SAMD12: variants seen among roughly 807,000 people sequenced by gnomAD.
SAMD12 encodes the protein sterile alpha motif domain containing 12.
SAMD12 carries 9 observed loss-of-function variants against 15.0 expected under a neutral mutation model. The ratio of observed to expected loss-of-function variants is 0.60; its 90% CI spans 0.36 to 1.05. The LOEUF (loss-of-function observed/expected upper bound fraction) is 1.05. Ranked by LOEUF, SAMD12 falls within the 50% of genes least tolerant of loss-of-function variation. The probability of loss-of-function intolerance (pLI) is 0.01; values close to 1 mark genes in which losing one functional copy is unlikely to be tolerated. For missense variants in SAMD12, 230 were observed against 234.2 expected, an observed-to-expected ratio of 0.98 and a Z score of 0.12; for synonymous variants, 86 against 90.1, an observed-to-expected ratio of 0.96 and a Z score of 0.25.
At chr8:118,598,521 C>G (rs1039838639) in intron 1 of SAMD12, among the ~76,000 whole-genome samples, 5 of 152,228 alleles carry the variant, frequency 3.3e-5, no homozygotes, top group Non-Finnish European at 7.3e-5. Context: ...GCCACCCAGT[C>G]TGTGATATTT....
At chr8:118,251,189 G>A (rs1812812051) in intron 4 of SAMD12, among the ~76,000 whole-genome samples, 1 of 152,082 alleles carries the variant, frequency 6.6e-6, no homozygotes, top group African/African-American at 2.4e-5. Flanking sequence ...AAGGCTTTTT[G>A]AGGGAAGTGA....
chr8:118,237,325 G>A (rs139252838), intron 4 of SAMD12, among the ~76,000 whole-genome samples: 137 of 152,224 alleles, frequency 9.0e-4, no homozygotes, highest in Middle Eastern at 3.4e-3. Context: ...AATGAGTTAC[G>A]TAGAGCATAT....
At chr8:118,163,613 C>T in the SAMD12 span, among the ~76,000 whole-genome samples, 2 of 150,188 alleles carry the variant, frequency 1.3e-5, no homozygotes. Context: ...CGGTGGCTCA[C>T]GCCTGTAATC....
intron 4 of SAMD12, among the ~76,000 whole-genome samples, chr8:118,356,336 G>A (rs549777284): frequency 6.6e-6 from 1 of 152,298 alleles, no homozygotes; most frequent in East Asian, 1.9e-4. Context: ...AGTAATGCTG[G>A]AAATGGAAGC....
At position 118,199,760 on chromosome 8, in the gene SAMD12, T is replaced by C. The variant is rs925848464; in HGVS notation, c.434-2028A>G. Among the ~76,000 whole-genome samples the C allele has an allele frequency of 3.9e-5, 6 of 152,342 alleles. No individual in the cohort carries two copies. The East Asian group carries it at 1.2e-3, about 29-fold the overall frequency. On this transcript the variant is annotated intron_variant, in intron 4 of 4. Coordinates refer to the SAMD12 transcript ENST00000409003. Reference sequence around the variant, plus strand: ...GAGTGCAGTATACTTTAGAGCACTTTCCCTTATCATTGCCCAATCCTCTTC... The same window carrying C: ...GAGTGCAGTATACTTTAGAGCACTTCCCCTTATCATTGCCCAATCCTCTTC...
intron 2 of SAMD12, among the ~76,000 whole-genome samples, chr8:118,533,020 A>G (rs1161798495): frequency 1.3e-5 from 2 of 151,754 alleles, no homozygotes; most frequent in African/African-American, 2.4e-5. Flanking sequence ...AGTTCTTTTA[A>G]TTGTGATGTT....
chr8:118,312,822 A>G (rs969091497), intron 4 of SAMD12, among the ~76,000 whole-genome samples: 7 of 152,198 alleles, frequency 4.6e-5, no homozygotes, highest in African/African-American at 1.7e-4. Context: ...AGCTAAGTTC[A>G]AAGGGCTAAC....
intron 2 of SAMD12, among the ~76,000 whole-genome samples, chr8:118,480,375 A>T (rs1381783619): frequency 6.6e-6 from 1 of 152,208 alleles, no homozygotes; most frequent in Non-Finnish European, 1.5e-5. Flanking sequence ...CTCACACAAC[A>T]TGTATTAAAA....
intron 4 of SAMD12, among the ~76,000 whole-genome samples, chr8:118,277,234 C>T (rs1246946225): frequency 2.0e-5 from 3 of 152,168 alleles, no homozygotes; most frequent in African/African-American, 7.2e-5. Flanking sequence ...ATCTCTCTCC[C>T]ACATGGTGCA....
intron 1 of SAMD12, among the ~76,000 whole-genome samples, chr8:118,596,316 G>A (rs777646953): frequency 4.6e-5 from 7 of 152,208 alleles, no homozygotes; most frequent in Non-Finnish European, 8.8e-5. Context: ...CCATTTTATA[G>A]ATGAAAAGAC....
intron 4 of SAMD12, among the ~76,000 whole-genome samples, chr8:118,328,817 A>G (rs1816679040): frequency 6.6e-6 from 1 of 152,100 alleles, no homozygotes. Context: ...GTTCATAGTC[A>G]TATCACTGGT....
chr8:118,363,568 A>G (rs982361932), intron 4 of SAMD12, among the ~76,000 whole-genome samples: 5 of 152,070 alleles, frequency 3.3e-5, no homozygotes, highest in African/African-American at 1.2e-4. Flanking sequence ...AACTCACACC[A>G]TCTGCTCTCC....
In SAMD12 at chr8:118,443,028, G is replaced by C. The variant is rs182182978; in HGVS notation, c.193-3067C>G. Among the ~76,000 whole-genome samples the C allele has an allele frequency of 5.9e-5, 9 of 152,216 alleles. No homozygotes were observed. In the East Asian group the frequency reaches 1.2e-3, roughly 20 times the overall value. On this transcript the variant is annotated intron_variant, in intron 2 of 3. Transcript: ENST00000314727. ...TCACCAGCCCACCATGTATGCTTTT[G>C]TTCTAAGTTTTCCTTTTATCATAAA...
At chr8:118,558,759 G>A (rs1367654053) in intron 2 of SAMD12, among the ~76,000 whole-genome samples, 1 of 151,974 alleles carries the variant, frequency 6.6e-6, no homozygotes, top group South Asian at 2.1e-4. Flanking sequence ...GGGTTTCACT[G>A]TGTTAGCCAG....
At chr8:118,497,723 C>T (rs1022082327) in intron 2 of SAMD12, among the ~76,000 whole-genome samples, 3 of 58,756 alleles carry the variant, frequency 5.1e-5, no homozygotes, top group African/African-American at 1.3e-4. Flanking sequence ...ACTTAAGTTG[C>T]GGGGGGGGGT....
At chr8:118,169,353 T>C in the SAMD12 span, among the ~76,000 whole-genome samples, 1 of 152,202 alleles carries the variant, frequency 6.6e-6, no homozygotes, top group African/African-American at 2.4e-5. Flanking sequence ...AGCACACTAT[T>C]TGTTCTCCTC....
chr8:118,592,450 T>C (rs561128367), intron 1 of SAMD12, among the ~76,000 whole-genome samples: 1 of 152,284 alleles, frequency 6.6e-6, no homozygotes, highest in African/African-American at 2.4e-5. Context: ...AATCTGGCTG[T>C]CCCCACTGAC....
At chr8:118,156,463 AGGCTCCATGTG>A in the SAMD12 span, among the ~76,000 whole-genome samples, 1 of 152,224 alleles carries the variant, frequency 6.6e-6, no homozygotes, top group Non-Finnish European at 1.5e-5. Context: ...CTAGATATCA[AGGCTCCATGTG>A]GGCCAGATCC....
intron 4 of SAMD12, among the ~76,000 whole-genome samples, chr8:118,369,099 C>T (rs1467116537): frequency 6.6e-6 from 1 of 152,188 alleles, no homozygotes; most frequent in Non-Finnish European, 1.5e-5. Context: ...TCTAGTACCT[C>T]ACACAAAGTG....
Sources: allele counts gnomAD v4.1 joint callset (sites outside exome capture counted in the v4.1 genomes callset), GRCh38; gene constraint gnomAD v4.1.1; transcripts MANE v1.5; gene names NCBI Gene and HGNC (gene_info 2026-07-23, HGNC 2026-07-21).